ARHGEF10L: variants seen among roughly 807,000 people sequenced by gnomAD.
ARHGEF10L encodes rho guanine nucleotide exchange factor 10-like protein.
A neutral mutation model predicts 141.2 loss-of-function variants in ARHGEF10L; 69 were observed. The ratio of observed to expected loss-of-function variants is 0.49; its 90% CI spans 0.40 to 0.60. ARHGEF10L has a LOEUF of 0.60. ARHGEF10L is among the 20% of genes least tolerant of loss of function. The probability of loss-of-function intolerance (pLI) is 0.00; values close to 1 mark genes in which losing one functional copy is unlikely to be tolerated. For synonymous variants in ARHGEF10L, 711 were observed against 718.5 expected, an observed-to-expected ratio of 0.99 and a Z score of 0.17; for missense variants, 1,482 against 1,734.3, an observed-to-expected ratio of 0.85 and a Z score of 2.58.
intron 1 of ARHGEF10L, 87 bp from the exon 2 acceptor site, chr1:17,580,466 C>A: frequency 1.7e-6 from 2 of 1,206,326 alleles, no homozygotes; most frequent in Non-Finnish European, 2.4e-6. Context: ...TGGGCTGAAG[C>A]ACAGGTTGTG....
Position 17,623,931 on chromosome 1 carries a change from C to T in ARHGEF10L, c.1201-456C>T, listed in dbSNP as rs2060240592. On this transcript the variant is annotated intron_variant, in intron 12 of 28. Coordinates refer to ENST00000361221, the MANE Select transcript of ARHGEF10L (RefSeq NM_018125.4). This position sits in a 1 kb window ranked among gnomAD's most constrained non-coding sequence, Gnocchi z 4.7. ...AGAGAGTTGATTGACTCCAGGCCGA[C>T]CATCCCTCCCTTGGTAACTCAACTC... Among the ~76,000 whole-genome samples, 1 of 152,192 alleles carries T rather than the reference C, an allele frequency of 6.6e-6. No homozygotes were observed.
At chr1:17,643,648 ACT>A (rs2061439115) in intron 21 of ARHGEF10L, among the ~76,000 whole-genome samples, 1 of 152,050 alleles carries the variant, frequency 6.6e-6, no homozygotes, top group African/African-American at 2.4e-5. Flanking sequence ...CAGCAAACTA[ACT>A]CTGAGATGCC....
At chr1:17,557,362 A>T (rs1012231234) in intron 1 of ARHGEF10L, among the ~76,000 whole-genome samples, 5 of 151,926 alleles carry the variant, frequency 3.3e-5, no homozygotes, top group African/African-American at 4.8e-5. Context: ...AAAACAAAAA[A>T]AACCAAAAAA....
chr1:17,627,676 G>A lies in ARHGEF10L; in HGVS notation c.1584+173G>A, dbSNP rs1052577224. ...ATTGGATCCTCAGCGGGACCCCCAC[G>A]TTCATTCCTGTTCATGTTATTTTAA... On this transcript the variant is annotated intron_variant, in intron 15 of 28. Coordinates refer to ENST00000361221, the MANE Select transcript of ARHGEF10L (RefSeq NM_018125.4). This position sits in a 1 kb window ranked among gnomAD's most constrained non-coding sequence, Gnocchi z 4.0. 2.0e-5 allele frequency among the ~76,000 whole-genome samples: 3 copies of A among 152,196 alleles called. No individual in the cohort carries two copies. Among genetic ancestry groups the A allele is most frequent in the Non-Finnish European group, 4.4e-5 (3 of 68,032 alleles).
At chr1:17,606,111 G>A (rs764454277) in intron 6 of ARHGEF10L, among the ~76,000 whole-genome samples, 40 of 152,058 alleles carry the variant, frequency 2.6e-4, no homozygotes, top group Non-Finnish European at 4.6e-4. Context: ...CATGAGTGAC[G>A]GCCTACTGCT....
At position 17,673,410 on chromosome 1, in the gene ARHGEF10L, A is replaced by C. The variant is rs2063452101; in HGVS notation, c.3009+8815A>C. 6.6e-6 allele frequency among the ~76,000 whole-genome samples: 1 copy of C among 152,204 alleles called. No homozygotes were observed. ...TTTTGGAACTTGGCAAGGAACAAAT[A>C]GAGCCATGGACATGGATCCGCTGAA... On this transcript the variant is annotated intron_variant, in intron 26 of 28. Coordinates refer to ENST00000361221, the MANE Select transcript of ARHGEF10L (RefSeq NM_018125.4). The surrounding 1 kb of genome is among the most constrained non-coding windows in gnomAD (Gnocchi z 4.1).
At chr1:17,618,303 C>G in intron 9 of ARHGEF10L, 4 of 1,501,990 alleles carry the variant, frequency 2.7e-6, no homozygotes, top group Non-Finnish European at 3.6e-6. Flanking sequence ...GTGACCCTCC[C>G]TGCAGAGGCG....
intron 6 of ARHGEF10L, among the ~76,000 whole-genome samples, chr1:17,604,252 C>A (rs1399687427): frequency 6.6e-6 from 1 of 152,000 alleles, no homozygotes; most frequent in Non-Finnish European, 1.5e-5. Context: ...GTCATTCTGA[C>A]CCCCAGTTCA....
chr1:17,613,704 AC>A (rs1316383504), intron 8 of ARHGEF10L, among the ~76,000 whole-genome samples: 1 of 152,254 alleles, frequency 6.6e-6, no homozygotes, highest in Non-Finnish European at 1.5e-5. Flanking sequence ...ACTTGCTTAA[AC>A]TTTTGGATGA....
In ARHGEF10L at chr1:17,675,006, G is replaced by A. The variant is rs147131844; in HGVS notation, c.3009+10411G>A. Among the ~76,000 whole-genome samples the A allele has an allele frequency of 7.2e-5, 11 of 152,232 alleles. No homozygotes were observed. In the East Asian group the frequency reaches 1.2e-3, roughly 16 times the overall value. On this transcript the variant is annotated intron_variant, in intron 26 of 28. Coordinates refer to ENST00000361221, the MANE Select transcript of ARHGEF10L (RefSeq NM_018125.4). The stretch of plus-strand genomic sequence containing the variant: ...CATTATTCCTGTCGTTAAGCAACAC[G>A]TGGCTGTATCATATAAGTTCTTGAC...
Position 17,607,853 on chromosome 1 carries a change from G to T in ARHGEF10L, c.485G>T (p.Arg162Leu). ...YEDAHRAGAP[R>L]QAEDLGWSSS... ...GATGCGCACCGGGCTGGGGCCCCTC[G>T]GCAGGCGGAGGACCTAGGCTGGAGC... The change falls in exon 7 of 29, where the codon CGG becomes CTG. Residue 162 changes from arginine to leucine, a missense_variant. Coordinates refer to ENST00000361221, the MANE Select transcript of ARHGEF10L (RefSeq NM_018125.4). The surrounding 1 kb of genome is among the most constrained non-coding windows in gnomAD (Gnocchi z 4.5). 2 of 1,589,256 alleles carry T rather than the reference G, an allele frequency of 1.3e-6. No homozygotes were observed. The highest frequency in any genetic ancestry group is 1.7e-6 in the Non-Finnish European group (2 of 1,169,278).
At chr1:17,626,979 G>A (rs2060422225) in intron 14 of ARHGEF10L, among the ~76,000 whole-genome samples, 1 of 152,228 alleles carries the variant, frequency 6.6e-6, no homozygotes, top group Non-Finnish European at 1.5e-5. Context: ...CCATTGTATG[G>A]AGAGACCACA....
intron 4 of ARHGEF10L, among the ~76,000 whole-genome samples, chr1:17,594,919 G>A (rs2079929640): frequency 6.6e-6 from 1 of 152,134 alleles, no homozygotes; most frequent in Non-Finnish European, 1.5e-5. Flanking sequence ...CAAAGGGTGT[G>A]GAGCTGTCTG....
chr1:17,664,607 T>A lies in ARHGEF10L; in HGVS notation c.3009+12T>A, dbSNP rs370989189. The A allele has an allele frequency of 5.2e-4, 789 of 1,522,594 alleles. No homozygotes were observed. Among genetic ancestry groups the A allele is most frequent in the South Asian group, 1.1e-3 (86 of 79,856 alleles). 94.3% of individuals were successfully genotyped at this position (1,522,594 alleles called of 1,614,324 possible). ...CCCTGCAGCCTCAGGTACTGCACTATCCTTTGGCTTGTGGCCCTGGAGGCC... is the reference window on the plus strand; with the variant it reads ...CCCTGCAGCCTCAGGTACTGCACTAACCTTTGGCTTGTGGCCCTGGAGGCC... On this transcript the variant is annotated intron_variant, in intron 26 of 28. Coordinates refer to ENST00000361221, the MANE Select transcript of ARHGEF10L (RefSeq NM_018125.4).
At chr1:17,605,594 G>A (rs1196422984) in intron 6 of ARHGEF10L, among the ~76,000 whole-genome samples, 2 of 152,142 alleles carry the variant, frequency 1.3e-5, no homozygotes, top group African/African-American at 4.8e-5. Context: ...CAGAACCCTG[G>A]CCCCGTTCAC....
rs1571226195 is a variant in ARHGEF10L at position 17,646,384 on chromosome 1, AAACC to A, written c.2273-2169_2273-2166del. Among the ~76,000 whole-genome samples the A allele has an allele frequency of 3.9e-5, 6 of 152,334 alleles. No homozygotes were observed. The South Asian group carries it at 1.2e-3, about 32-fold the overall frequency. On this transcript the variant is annotated intron_variant, in intron 21 of 28. Transcript: ENST00000361221. Reference sequence around the variant, plus strand: ...CGTTCATGTCGTGGGTACATCTGACAAACCTGGAAAATGAGGCTCTGAGAAAAGA... The same window carrying A: ...CGTTCATGTCGTGGGTACATCTGACATGGAAAATGAGGCTCTGAGAAAAGA...
At chr1:17,674,278 C>T (rs1423620471) in intron 26 of ARHGEF10L, among the ~76,000 whole-genome samples, 1 of 152,226 alleles carries the variant, frequency 6.6e-6, no homozygotes, top group East Asian at 1.9e-4. Flanking sequence ...GTTTACATGA[C>T]TAGTGGGCCC....
In ARHGEF10L at chr1:17,580,281, C is replaced by G. The variant is rs113453587; in HGVS notation, c.-43-272C>G. Among the ~76,000 whole-genome samples the G allele has an allele frequency of 1.1e-3, 175 of 152,352 alleles. 2 individuals are homozygous for G. The highest frequency in any genetic ancestry group is 4.0e-3 in the African/African-American group (167 of 41,582). ...GTAAGCCAGAGGGGATGAGGACGGACACCCAGCAGGTCCCTGCAGGTCCCT... is the reference window on the plus strand; with the variant it reads ...GTAAGCCAGAGGGGATGAGGACGGAGACCCAGCAGGTCCCTGCAGGTCCCT... On this transcript the variant is annotated intron_variant, in intron 1 of 28. Coordinates refer to ENST00000361221, the MANE Select transcript of ARHGEF10L (RefSeq NM_018125.4).
intron 16 of ARHGEF10L, chr1:17,634,293 C>A: frequency 1.6e-6 from 1 of 633,974 alleles, no homozygotes; most frequent in Non-Finnish European, 2.8e-6. Context: ...TGAGTCACTT[C>A]ACTTGACTGA....
Sources: allele counts gnomAD v4.1 joint callset (sites outside exome capture counted in the v4.1 genomes callset), GRCh38; gene constraint gnomAD v4.1.1; non-coding constraint Gnocchi (gnomAD v3.1); transcripts MANE v1.5; gene names NCBI Gene and HGNC (gene_info 2026-07-23, HGNC 2026-07-21).